RASGEF1C: variants seen among roughly 807,000 people sequenced by gnomAD.
The protein encoded by RASGEF1C is ras-GEF domain-containing family member 1C.
RASGEF1C carries 27 observed loss-of-function variants against 58.1 expected under a neutral mutation model. The observed-to-expected ratio is 0.46, with a 90% CI of 0.34 to 0.64. The LOEUF is 0.64. Ranked by LOEUF, RASGEF1C falls within the 30% of genes least tolerant of loss-of-function variation. The pLI is 0.01. For synonymous variants in RASGEF1C, 243 were observed against 246.3 expected, an observed-to-expected ratio of 0.99 and a Z score of 0.13; for missense variants, 502 against 605.1, an observed-to-expected ratio of 0.83 and a Z score of 1.79.
intron 12 of RASGEF1C, among the ~76,000 whole-genome samples, chr5:180,102,739 A>C (rs935454668): frequency 6.6e-6 from 1 of 151,820 alleles, no homozygotes; most frequent in East Asian, 1.9e-4. Context: ...TGGGTTCTCT[A>C]TTCTGTCCCA....
chr5:180,122,488 C>T (rs772822813), intron 6 of RASGEF1C, among the ~76,000 whole-genome samples: 2 of 151,990 alleles, frequency 1.3e-5, no homozygotes, highest in Admixed American at 6.5e-5. Context: ...CGCCTGTAAT[C>T]GCAACACTTT....
intron 6 of RASGEF1C, 79 bp downstream of exon 6, chr5:180,127,530 G>T: frequency 1.4e-6 from 2 of 1,413,862 alleles, no homozygotes; most frequent in Non-Finnish European, 1.9e-6. Context: ...CTCGCCCAGA[G>T]AAGGCTCGCG....
intron 1 of RASGEF1C, 195 bp from the exon 2 acceptor site, chr5:180,138,253 C>T (rs4700879): frequency 0.97 from 419,722 of 432,336 alleles, 204,917 homozygotes; most frequent in South Asian, 1. Flanking sequence ...CTTCATTCTC[C>T]GTCTTCTCAT....
At chr5:180,101,691 A>G (rs559069104) in intron 13 of RASGEF1C, among the ~76,000 whole-genome samples, 166 bp from the exon 14 acceptor site, 2 of 152,320 alleles carry the variant, frequency 1.3e-5, no homozygotes, top group South Asian at 2.1e-4. Context: ...GTCCATTGCT[A>G]TGGATCATTT....
intron 1 of RASGEF1C, among the ~76,000 whole-genome samples, chr5:180,208,131 T>G (rs892420241): frequency 6.6e-6 from 1 of 152,058 alleles, no homozygotes; most frequent in Non-Finnish European, 1.5e-5. Context: ...GGAGCCAGTC[T>G]TACCAGAGGT....
Position 180,118,609 on chromosome 5 carries a change from C to A in RASGEF1C, c.1083G>T (p.Lys361Asn). The A allele has an allele frequency of 6.2e-7, 1 of 1,607,088 alleles. No homozygotes were observed. The highest frequency in any genetic ancestry group is 1.1e-5 in the South Asian group (1 of 89,964). Residue 361 changes from lysine to asparagine, a missense_variant and splice_region_variant, in exon 10 of 14, where the codon AAG becomes AAT. Physicochemically the swap from Lys to Asn is moderately conservative, Grantham distance 94. Coordinates refer to ENST00000361132, the MANE Select transcript of RASGEF1C (RefSeq NM_175062.4). ...RSLTAHSSRE[K>N]IVIPFFSLLI... ...CTGGGCCAACGTGGCCCCGACCTACCTTCTCTCGGCTGCTGTGGGCCGTCA... is the reference window on the plus strand; with the variant it reads ...CTGGGCCAACGTGGCCCCGACCTACATTCTCTCGGCTGCTGTGGGCCGTCA...
intron 1 of RASGEF1C, among the ~76,000 whole-genome samples, chr5:180,182,469 G>A (rs1480064093): frequency 6.6e-6 from 1 of 152,196 alleles, no homozygotes; most frequent in Non-Finnish European, 1.5e-5. Flanking sequence ...ACCCCAGCAG[G>A]TTGCCGCTGT....
chr5:180,196,914 C>T (rs1438039436), intron 1 of RASGEF1C, among the ~76,000 whole-genome samples: 2 of 152,224 alleles, frequency 1.3e-5, no homozygotes, highest in African/African-American at 4.8e-5. Flanking sequence ...CAAAGCAACA[C>T]CTAGCTGCAG....
At chr5:180,130,454 C>T (rs1377748468) in intron 4 of RASGEF1C, among the ~76,000 whole-genome samples, 1 of 152,210 alleles carries the variant, frequency 6.6e-6, no homozygotes, top group Non-Finnish European at 1.5e-5. Flanking sequence ...GGGCCCTGGC[C>T]CTTCCACGGA....
rs2113319304 is a variant in RASGEF1C at position 180,177,623 on chromosome 5, C to T, written c.-7+31405G>A. Among the ~76,000 whole-genome samples, 1 of 152,340 alleles carries T rather than the reference C, an allele frequency of 6.6e-6. No homozygotes were observed. The highest frequency in any genetic ancestry group is 2.1e-4 in the South Asian group (1 of 4,816). ...CCTGCCCGTGGTAGGAGGACATGGC[C>T]CTGGTGCCACTTGGGGAAGGAGTTG... On this transcript the variant is annotated intron_variant, in intron 1 of 13. Transcript: ENST00000361132. The surrounding 1 kb of genome is among the most constrained non-coding windows in gnomAD (Gnocchi z 5.0).
At chr5:180,115,242 C>T in intron 10 of RASGEF1C, 1 of 429,236 alleles carries the variant, frequency 2.3e-6, no homozygotes, top group East Asian at 7.1e-5. Context: ...TATTGAACTC[C>T]TGACCTTGTG....
At chr5:180,104,314 C>G (rs557231769) in intron 12 of RASGEF1C, among the ~76,000 whole-genome samples, 2 of 152,138 alleles carry the variant, frequency 1.3e-5, no homozygotes, top group African/African-American at 4.8e-5. Flanking sequence ...GATTAGTGCC[C>G]TTATGAAAGG....
intron 6 of RASGEF1C, among the ~76,000 whole-genome samples, chr5:180,121,572 A>G (rs186337244): frequency 6.6e-6 from 1 of 151,872 alleles, no homozygotes; most frequent in Non-Finnish European, 1.5e-5. Flanking sequence ...CTCGGCCTCC[A>G]AAAGTGCTGG....
At chr5:180,192,248 C>T (rs1312598012) in intron 1 of RASGEF1C, among the ~76,000 whole-genome samples, 5 of 152,142 alleles carry the variant, frequency 3.3e-5, no homozygotes, top group South Asian at 2.1e-4. Flanking sequence ...CTTGGGGCCA[C>T]GTTGGAACCC....
intron 1 of RASGEF1C, among the ~76,000 whole-genome samples, chr5:180,150,199 C>T (rs1766724757): frequency 6.6e-6 from 1 of 152,108 alleles, no homozygotes; most frequent in Non-Finnish European, 1.5e-5. Flanking sequence ...AGTTATTGTA[C>T]TTTATAGCTC....
At chr5:180,190,304 G>A (rs1005461168) in intron 1 of RASGEF1C, among the ~76,000 whole-genome samples, 19 of 151,696 alleles carry the variant, frequency 1.3e-4, no homozygotes, top group African/African-American at 2.9e-4. Flanking sequence ...TGGCTAACAC[G>A]GTGAAACCCC....
chr5:180,173,867 T>C (rs189746412), intron 1 of RASGEF1C, among the ~76,000 whole-genome samples: 9 of 150,426 alleles, frequency 6.0e-5, no homozygotes, highest in African/African-American at 1.2e-4. Context: ...GAGCTGAGAT[T>C]GTGCCACTGC....
At chr5:180,169,905 T>G (rs903890006) in intron 1 of RASGEF1C, among the ~76,000 whole-genome samples, 1 of 151,620 alleles carries the variant, frequency 6.6e-6, no homozygotes, top group Non-Finnish European at 1.5e-5. Flanking sequence ...GTCCTCCCCC[T>G]GGGCTCCCTG....
intron 1 of RASGEF1C, among the ~76,000 whole-genome samples, chr5:180,207,648 GCC>G (rs1756512748): frequency 1.4e-5 from 1 of 69,182 alleles, no homozygotes; most frequent in Non-Finnish European, 3.3e-5. Flanking sequence ...TCCCTCTCCT[GCC>G]CCGGCAGTGC....
Sources: allele counts gnomAD v4.1 joint callset (sites outside exome capture counted in the v4.1 genomes callset), GRCh38; gene constraint gnomAD v4.1.1; non-coding constraint Gnocchi (gnomAD v3.1); transcripts MANE v1.5; gene names NCBI Gene and HGNC (gene_info 2026-07-23, HGNC 2026-07-21).